GALK2: variants seen among roughly 807,000 people sequenced by gnomAD.
The protein encoded by GALK2 is N-acetylgalactosamine kinase.
Under a neutral mutation model 52.4 loss-of-function variants are expected in GALK2, and 36 were observed. The ratio of observed to expected loss-of-function variants is 0.69; its 90% CI spans 0.53 to 0.91. The LOEUF is 0.91. Ranked by LOEUF, GALK2 falls within the 40% of genes least tolerant of loss-of-function variation. The probability of loss-of-function intolerance (pLI) is 0.00; values close to 1 mark genes in which losing one functional copy is unlikely to be tolerated. For missense variants in GALK2, 579 were observed against 559.1 expected, an observed-to-expected ratio of 1.04 and a Z score of -0.36; for synonymous variants, 176 against 199.1, an observed-to-expected ratio of 0.88 and a Z score of 0.98.
chr15:49,215,952 A>T (rs2089330794), intron 2 of GALK2, among the ~76,000 whole-genome samples: 1 of 152,220 alleles, frequency 6.6e-6, no homozygotes, highest in Non-Finnish European at 1.5e-5. Context: ...GCATATCGGC[A>T]CAAGGAGGTG....
At chr15:49,265,135 AG>A (rs770888268) in intron 5 of GALK2, among the ~76,000 whole-genome samples, 2 of 152,126 alleles carry the variant, frequency 1.3e-5, no homozygotes, top group Non-Finnish European at 2.9e-5. Context: ...AAGTCTGCAG[AG>A]GTTACTGCTG....
At chr15:49,351,824 T>A (rs1393134475) in intron 3 of GALK2, among the ~76,000 whole-genome samples, 2 of 152,196 alleles carry the variant, frequency 1.3e-5, no homozygotes, top group African/African-American at 4.8e-5. Flanking sequence ...AGGAGCCAGA[T>A]CTTTGTACAT....
At chr15:49,170,430 T>C in intron 1 of GALK2, 55 bp downstream of exon 1, 2 of 1,537,690 alleles carry the variant, frequency 1.3e-6, no homozygotes, top group Non-Finnish European at 1.8e-6. Flanking sequence ...TACGTGTAGA[T>C]CGGGTCCACA....
chr15:49,240,644 G>A lies in GALK2; in HGVS notation c.504+1277G>A, dbSNP rs377583218. 3.9e-5 allele frequency among the ~76,000 whole-genome samples: 6 copies of A among 152,306 alleles called. 1 individual carries two copies. The East Asian group carries it at 1.2e-3, about 29-fold the overall frequency. ...AACACTGATGACATCAGATAAGCATGTATTGGGTGGAGAGAACATCATGTG... is the reference window on the plus strand; with the variant it reads ...AACACTGATGACATCAGATAAGCATATATTGGGTGGAGAGAACATCATGTG... On this transcript the variant is annotated intron_variant, in intron 5 of 9. Transcript: ENST00000560031.
intron 1 of GALK2, among the ~76,000 whole-genome samples, chr15:49,191,550 A>G (rs1325926110): frequency 6.6e-6 from 1 of 152,152 alleles, no homozygotes; most frequent in Non-Finnish European, 1.5e-5. Flanking sequence ...GATTCAGCTT[A>G]TGTATTTTTA....
chr15:49,217,412 T>TTA, intron 3 of GALK2, 99 bp downstream of exon 3: 1 of 1,168,888 alleles, frequency 8.6e-7, no homozygotes, highest in Non-Finnish European at 1.2e-6. Flanking sequence ...GTCATTTAAC[T>TTA]TATTGATATT....
At chr15:49,355,580 T>C (rs1017543364) in intron 3 of GALK2, among the ~76,000 whole-genome samples, 1 of 152,120 alleles carries the variant, frequency 6.6e-6, no homozygotes, top group African/African-American at 2.4e-5. Context: ...CCAAGAAATA[T>C]GGGGCTATGT....
intron 1 of GALK2, among the ~76,000 whole-genome samples, chr15:49,159,486 G>C (rs1205651991): frequency 6.6e-6 from 1 of 150,898 alleles, no homozygotes; most frequent in Non-Finnish European, 1.5e-5. Context: ...TGAGGCAGGA[G>C]AATCTTTTGA....
At chr15:49,160,056 C>T (rs998295432) in intron 1 of GALK2, among the ~76,000 whole-genome samples, 9 of 151,848 alleles carry the variant, frequency 5.9e-5, no homozygotes, top group Non-Finnish European at 1.0e-4. Context: ...GGTGGATCAC[C>T]TGAGGTTAGG....
intron 3 of GALK2, among the ~76,000 whole-genome samples, chr15:49,342,898 T>C (rs1006027165): frequency 3.3e-5 from 5 of 152,208 alleles, no homozygotes; most frequent in African/African-American, 9.6e-5. Context: ...AAGTCTGCTG[T>C]AGCCTGAAGG....
chr15:49,239,374 A>G lies in GALK2; in HGVS notation c.504+7A>G, dbSNP rs201859172. 1.1e-5 allele frequency: 18 copies of G among 1,612,814 alleles called. No individual in the cohort carries two copies. The highest frequency in any genetic ancestry group is 1.4e-5 in the Non-Finnish European group (17 of 1,179,352). The stretch of plus-strand genomic sequence containing the variant: ...GGGAAGGAATCTATCCAAGGTAACT[A>G]CCTTTGATAGGAAACCTCATAGAAC... On this transcript the variant is annotated splice_region_variant and intron_variant, in intron 5 of 9. Transcript: ENST00000560031.
chr15:49,155,840 C>T, exon 1 of GALK2: 1 of 832,410 alleles, frequency 1.2e-6, no homozygotes. Context: ...CAGGTCTCAG[C>T]CGAAGGGCGT....
intron 1 of GALK2, among the ~76,000 whole-genome samples, chr15:49,159,893 A>T (rs1029038231): frequency 2.6e-5 from 4 of 152,212 alleles, no homozygotes; most frequent in African/African-American, 9.7e-5. Context: ...TTCGGATATC[A>T]TGACACATCA....
intron 1 of GALK2, among the ~76,000 whole-genome samples, chr15:49,157,369 A>G (rs2084494423): frequency 1.3e-5 from 2 of 152,248 alleles, no homozygotes; most frequent in South Asian, 2.1e-4. Flanking sequence ...TAAAGAATCA[A>G]TAAAATCTAA....
chr15:49,237,099 C>A (rs568984095), intron 4 of GALK2, among the ~76,000 whole-genome samples: 121 of 152,276 alleles, frequency 7.9e-4, no homozygotes, highest in African/African-American at 2.9e-3. Context: ...CAATTTTAAT[C>A]TTCCTTGTAA....
intron 3 of GALK2, chr15:49,366,503 G>A: frequency 7.8e-7 from 1 of 1,284,366 alleles, no homozygotes; most frequent in Non-Finnish European, 1.1e-6. Flanking sequence ...CAAACTAATG[G>A]AAGTTGCATT....
intron 3 of GALK2, among the ~76,000 whole-genome samples, chr15:49,361,910 A>AT (rs1343318786): frequency 6.6e-6 from 1 of 151,938 alleles, no homozygotes; most frequent in Admixed American, 6.6e-5. Context: ...AGAATCTGTT[A>AT]TTTTTTGACT....
chr15:49,264,651 G>A (rs1243154206), intron 5 of GALK2, among the ~76,000 whole-genome samples: 1 of 152,088 alleles, frequency 6.6e-6, no homozygotes, highest in Non-Finnish European at 1.5e-5. Context: ...GAGGCGCTCT[G>A]CTTTTTAGAG....
At chr15:49,156,666 C>A in intron 1 of GALK2, 1 of 517,162 alleles carries the variant, frequency 1.9e-6, no homozygotes, top group African/African-American at 1.9e-5. Context: ...GGCAAAATTT[C>A]CACTGTAGAA....
Sources: allele counts gnomAD v4.1 joint callset (sites outside exome capture counted in the v4.1 genomes callset), GRCh38; gene constraint gnomAD v4.1.1; transcripts MANE v1.5; gene names NCBI Gene and HGNC (gene_info 2026-07-23, HGNC 2026-07-21).